Variants in ALG1L2 observed in about 807,000 individuals in gnomAD.
ALG1L2 encodes ALG1 chitobiosyldiphosphodolichol beta-mannosyltransferase like 2.
A neutral mutation model predicts 29.0 loss-of-function variants in ALG1L2; 32 were observed. That is an observed-to-expected ratio of 1.10 (90% CI 0.83 to 1.48). ALG1L2 has a LOEUF of 1.48. Among genes scored for constraint, ALG1L2 ranks in the 40% most tolerant of loss-of-function variants. ALG1L2 has a pLI of 0.00. For missense variants in ALG1L2, 318 were observed against 274.1 expected, an observed-to-expected ratio of 1.16 and a Z score of -1.13; for synonymous variants, 110 against 109.5, an observed-to-expected ratio of 1.00 and a Z score of -0.03.
intron 6 of ALG1L2, among the ~76,000 whole-genome samples, chr3:130,096,639 C>A (rs1002179964): frequency 3.3e-5 from 5 of 152,124 alleles, no homozygotes; most frequent in Admixed American, 2.6e-4. Flanking sequence ...CTCCACCCAG[C>A]ATAGACGGGT....
intron 1 of ALG1L2, among the ~76,000 whole-genome samples, chr3:130,085,637 G>C (rs1934873463): frequency 6.6e-6 from 1 of 151,636 alleles, no homozygotes; most frequent in Non-Finnish European, 1.5e-5. Flanking sequence ...CTCCAAATAT[G>C]TCACATTTTG....
chr3:130,097,509 G>A lies in ALG1L2; in HGVS notation c.615+259G>A, dbSNP rs9870162. 0.28 allele frequency among the ~76,000 whole-genome samples: 42,461 copies of A among 152,130 alleles called. 6,378 individuals carry two copies. Among genetic ancestry groups the A allele is most frequent in the African/African-American group, 0.3 (12,379 of 41,476 alleles). Reference sequence around the variant, plus strand: ...AGACTCCACAAATGATGCTGGAGCCGGGTGGGCCAGGCTGCAGTTTAGGAA... The same window carrying A: ...AGACTCCACAAATGATGCTGGAGCCAGGTGGGCCAGGCTGCAGTTTAGGAA... On this transcript the variant is annotated intron_variant, in intron 7 of 7. Coordinates refer to ENST00000425059, the MANE Select transcript of ALG1L2 (RefSeq NM_001136152.1).
intron 1 of ALG1L2, chr3:130,091,030 A>T: frequency 1.9e-6 from 1 of 531,716 alleles, no homozygotes; most frequent in South Asian, 2.0e-5. Flanking sequence ...GCCTGGTGCA[A>T]TCCATGTTGT....
At chr3:130,098,148 C>G in intron 7 of ALG1L2, 75 bp from the exon 8 acceptor site, 2 of 1,582,134 alleles carry the variant, frequency 1.3e-6, no homozygotes, top group Non-Finnish European at 1.7e-6. Context: ...GTTGTTGGGT[C>G]GGGGAGCTGG....
chr3:130,090,501 G>A (rs1452162385), intron 1 of ALG1L2, among the ~76,000 whole-genome samples: 5 of 152,304 alleles, frequency 3.3e-5, no homozygotes, highest in Non-Finnish European at 5.9e-5. Context: ...CTTCCTTCAG[G>A]TTCACTAAAA....
Position 130,091,355 on chromosome 3 carries a change from T to G in ALG1L2, c.115T>G (p.Ser39Ala). 1 of 1,597,190 alleles carries G rather than the reference T, an allele frequency of 6.3e-7. No individual in the cohort carries two copies. Residue 39 changes from serine to alanine, a missense_variant, in exon 2 of 8, where the codon TCT (serine) becomes GCT (alanine). Physicochemically the swap from Ser to Ala is moderately conservative, Grantham distance 99. Coordinates refer to ENST00000425059, the MANE Select transcript of ALG1L2 (RefSeq NM_001136152.1). ...RLFMKLGSTHSPFRARSEPED... is the reference protein window; with the variant it reads ...RLFMKLGSTHAPFRARSEPED... Reference sequence around the variant, plus strand: ...CTTCATGAAGCTGGGCAGCACGCACTCTCCGTTCAGGGCCCGGTAGGCCTC... The same window carrying G: ...CTTCATGAAGCTGGGCAGCACGCACGCTCCGTTCAGGGCCCGGTAGGCCTC...
Position 130,081,898 on chromosome 3 carries a change from G to C in ALG1L2, c.-119G>C, listed in dbSNP as rs1934792930. 1 of 1,309,094 alleles carries C rather than the reference G, an allele frequency of 7.6e-7. No homozygotes were observed. The highest frequency in any genetic ancestry group is 1.3e-5 in the South Asian group (1 of 78,180). 81.1% of individuals were successfully genotyped at this position (1,309,094 alleles called of 1,614,324 possible). ...CAAGTAGCAGAGACAGGTGTGCAAA[G>C]GCTCAGAGGGAGCTTCTCCAGGATC... On this transcript the variant is annotated 5_prime_UTR_variant, in exon 1 of 8. Coordinates refer to ENST00000425059, the MANE Select transcript of ALG1L2 (RefSeq NM_001136152.1).
rs566825423 is a variant in ALG1L2, at chr3:130,082,685, G to A, written c.20+649G>A. Among the ~76,000 whole-genome samples, 61 of 148,124 alleles carry A rather than the reference G, an allele frequency of 4.1e-4. No individual in the cohort carries two copies. The South Asian group carries it at 0.013, about 32-fold the overall frequency. ...AATCCAATGGGGCAATAGAACACGT[G>A]CGTGGGCAGACGAGACACCAACAAT... On this transcript the variant is annotated intron_variant, in intron 1 of 7. Coordinates refer to ENST00000425059, the MANE Select transcript of ALG1L2 (RefSeq NM_001136152.1).
chr3:130,085,795 C>T (rs1264825901), intron 1 of ALG1L2, among the ~76,000 whole-genome samples: 1 of 148,666 alleles, frequency 6.7e-6, no homozygotes, highest in South Asian at 2.2e-4. Context: ...GAGGCAGAGA[C>T]CAGTGAGGGG....
chr3:130,092,403 T>C (rs1183342643), intron 3 of ALG1L2, among the ~76,000 whole-genome samples, 181 bp downstream of exon 3: 3 of 152,198 alleles, frequency 2.0e-5, no homozygotes, highest in African/African-American at 4.8e-5. Context: ...ATTCTTCTCA[T>C]AGAGGACGAA....
At chr3:130,091,679 C>G in intron 2 of ALG1L2, 1 of 535,084 alleles carries the variant, frequency 1.9e-6, no homozygotes. Context: ...ACTCTCCTGC[C>G]AATGGGTTCC....
At chr3:130,093,751 T>C (rs1935069237) in intron 4 of ALG1L2, among the ~76,000 whole-genome samples, 2 of 152,166 alleles carry the variant, frequency 1.3e-5, no homozygotes, top group African/African-American at 4.8e-5. Flanking sequence ...ACCAAGCTTC[T>C]TTTAATTTTT....
chr3:130,093,250 T>C (rs1258658626), intron 4 of ALG1L2, 90 bp downstream of exon 4: 2 of 1,458,376 alleles, frequency 1.4e-6, no homozygotes, highest in East Asian at 2.3e-5. Flanking sequence ...CCCACGATCT[T>C]GTCTCCTTAA....
chr3:130,085,785 G>A (rs1171421005), intron 1 of ALG1L2, among the ~76,000 whole-genome samples: 2 of 148,920 alleles, frequency 1.3e-5, no homozygotes, highest in Non-Finnish European at 3.0e-5. Flanking sequence ...TCAAAGGTAT[G>A]AGGCAGAGAC....
At chr3:130,091,995 A>C (rs1577328167) in intron 2 of ALG1L2, 106 bp from the exon 3 acceptor site, 7 of 1,552,506 alleles carry the variant, frequency 4.5e-6, no homozygotes, top group Non-Finnish European at 6.1e-6. Flanking sequence ...GCAGCCGGGC[A>C]CCCCAACCGT....
Position 130,092,208 on chromosome 3 carries a change from G to C in ALG1L2, c.239G>C (p.Ser80Thr). ...LHERPALLVS[S>T]TSWTEFEQLT... ...GAGCGGCCAGCCCTGCTGGTCAGCA[G>C]CACAAGCTGGACAGGTCTGCATGAC... Residue 80 changes from serine to threonine, a missense_variant, in exon 3 of 8, where the codon AGC (serine) becomes ACC (threonine). Ser to Thr is a moderately conservative substitution (Grantham distance 58). Coordinates refer to ENST00000425059, the MANE Select transcript of ALG1L2 (RefSeq NM_001136152.1). The C allele has an allele frequency of 6.2e-7, 1 of 1,610,882 alleles. No homozygotes were observed. The highest frequency in any genetic ancestry group is 1.1e-5 in the South Asian group (1 of 90,766).
At chr3:130,085,658 G>A (rs1440234554) in intron 1 of ALG1L2, among the ~76,000 whole-genome samples, 1 of 151,650 alleles carries the variant, frequency 6.6e-6, no homozygotes, top group East Asian at 1.9e-4. Flanking sequence ...AGGTACTGGG[G>A]GTCAGGACTC....
In ALG1L2 at chr3:130,082,529, G is replaced by T. The variant is rs1277458585; in HGVS notation, c.20+493G>T. On this transcript the variant is annotated intron_variant, in intron 1 of 7. Coordinates refer to ENST00000425059, the MANE Select transcript of ALG1L2 (RefSeq NM_001136152.1). ...ATTTTTGTATTTTTAGTAGAGAGTG[G>T]GTTTCACCATATTGGCCAGGCTGGT... Among the ~76,000 whole-genome samples the T allele has an allele frequency of 1.8e-4, 23 of 130,744 alleles. 2 individuals are homozygous for T. Among genetic ancestry groups the T allele is most frequent in the African/African-American group, 5.7e-4 (22 of 38,922 alleles). 85.8% of individuals were successfully genotyped at this position (130,744 alleles called of 152,430 possible). A position where few individuals can be genotyped will look rare whatever the true frequency, so the allele number is the denominator to read the frequency against.
At position 130,092,161 on chromosome 3, in the gene ALG1L2, C is replaced by A; in HGVS notation, c.192C>A (p.Ser64Arg). Residue 64 changes from serine to arginine, a missense_variant, in exon 3 of 8, where the codon AGC becomes AGA. Coordinates refer to ENST00000425059, the MANE Select transcript of ALG1L2 (RefSeq NM_001136152.1). ...RSAFTERDSG[S>R]GLVTRLHERP... ...CCTTCACGGAGCGGGATTCTGGGAGCGGGCTGGTGACGCGTCTCCACGAGC... is the reference window on the plus strand; with the variant it reads ...CCTTCACGGAGCGGGATTCTGGGAGAGGGCTGGTGACGCGTCTCCACGAGC... 1.2e-6 allele frequency: 2 copies of A among 1,613,372 alleles called. No homozygotes were observed. The highest frequency in any genetic ancestry group is 1.7e-6 in the Non-Finnish European group (2 of 1,179,806).
Sources: allele counts gnomAD v4.1 joint callset (sites outside exome capture counted in the v4.1 genomes callset), GRCh38; gene constraint gnomAD v4.1.1; transcripts MANE v1.5; gene names NCBI Gene and HGNC (gene_info 2026-07-23, HGNC 2026-07-21).